Variants in EPHA6 observed in about 807,000 individuals in gnomAD.
EPHA6 encodes EPH receptor A6.
In EPHA6, 50 loss-of-function variants were observed where a neutral mutation model predicts 112.0. That is an observed-to-expected ratio of 0.45 (90% CI 0.36 to 0.56). The LOEUF (loss-of-function observed/expected upper bound fraction) is 0.56, where lower values mean the gene tolerates loss of function less well. Ranked by LOEUF, EPHA6 falls within the 20% of genes least tolerant of loss-of-function variation. The probability of loss-of-function intolerance (pLI) is 0.00; values close to 1 mark genes in which losing one functional copy is unlikely to be tolerated. For synonymous variants in EPHA6, 529 were observed against 490.7 expected (o/e 1.08, Z -1.03); for missense variants, 1,280 against 1,417.4 (o/e 0.90, Z 1.56).
intron 1 of EPHA6, among the ~76,000 whole-genome samples, chr3:96,850,188 G>T (rs2035300557): frequency 6.6e-6 from 1 of 152,094 alleles, no homozygotes; most frequent in African/African-American, 2.4e-5. Context: ...CTACTTTAGT[G>T]CAGGGGACAT....
At chr3:97,335,375 A>G (rs2083009154) in intron 5 of EPHA6, among the ~76,000 whole-genome samples, 1 of 152,178 alleles carries the variant, frequency 6.6e-6, no homozygotes, top group Non-Finnish European at 1.5e-5. Context: ...AGTGAGGAAC[A>G]AAAAATTGTT....
intron 7 of EPHA6, among the ~76,000 whole-genome samples, chr3:97,454,202 A>T (rs769131902): frequency 7.8e-4 from 118 of 151,848 alleles, no homozygotes; most frequent in Non-Finnish European, 1.4e-3. Context: ...GTGAGAAATC[A>T]TCACTTCTTC....
chr3:97,215,861 A>C (rs980222142), intron 3 of EPHA6, among the ~76,000 whole-genome samples: 1 of 152,206 alleles, frequency 6.6e-6, no homozygotes, highest in African/African-American at 2.4e-5. Flanking sequence ...TCCTCCAATT[A>C]TATGATCTGA....
At chr3:96,844,579 A>T (rs1252094370) in intron 1 of EPHA6, among the ~76,000 whole-genome samples, 3 of 152,022 alleles carry the variant, frequency 2.0e-5, no homozygotes, top group Non-Finnish European at 4.4e-5. Context: ...CTGAGTTATG[A>T]TGAGGTAGTA....
At chr3:97,744,268 G>A (rs1048447525) in intron 16 of EPHA6, among the ~76,000 whole-genome samples, 4 of 151,942 alleles carry the variant, frequency 2.6e-5, no homozygotes, top group Non-Finnish European at 5.9e-5. Context: ...CAGGTGGGCA[G>A]TACTCACTAA....
chr3:97,500,248 G>C (rs979920293), intron 10 of EPHA6, among the ~76,000 whole-genome samples: 1 of 151,986 alleles, frequency 6.6e-6, no homozygotes. Context: ...AGTTCATTCT[G>C]ACATTCCTAG....
intron 2 of EPHA6, among the ~76,000 whole-genome samples, chr3:96,977,786 GTTGA>G (rs2042592757): frequency 6.6e-6 from 1 of 152,120 alleles, no homozygotes; most frequent in Non-Finnish European, 1.5e-5. Flanking sequence ...AACATAAACA[GTTGA>G]TTAACACATA....
At chr3:96,842,884 C>T (rs1210153574) in intron 1 of EPHA6, among the ~76,000 whole-genome samples, 1 of 152,042 alleles carries the variant, frequency 6.6e-6, no homozygotes, top group African/African-American at 2.4e-5. Context: ...TGGCTGTTTA[C>T]TCTTGATGTA....
chr3:97,328,204 C>T (rs2082580074), intron 5 of EPHA6, among the ~76,000 whole-genome samples: 1 of 151,466 alleles, frequency 6.6e-6, no homozygotes, highest in Non-Finnish European at 1.5e-5. Flanking sequence ...TATCATTTCT[C>T]TGGGATAAAT....
chr3:97,701,941 A>G (rs182246508), intron 14 of EPHA6, among the ~76,000 whole-genome samples: 2 of 152,286 alleles, frequency 1.3e-5, no homozygotes, highest in African/African-American at 4.8e-5. Flanking sequence ...CTACATTTCC[A>G]TTTAAATGTT....
intron 3 of EPHA6, among the ~76,000 whole-genome samples, chr3:96,991,001 T>C (rs948326989): frequency 6.6e-6 from 1 of 152,148 alleles, no homozygotes; most frequent in Non-Finnish European, 1.5e-5. Context: ...GTATTGATTT[T>C]TTTTTAGAGA....
intron 13 of EPHA6, among the ~76,000 whole-genome samples, chr3:97,629,964 T>C (rs2093889695): frequency 6.6e-6 from 1 of 152,046 alleles, no homozygotes. Context: ...ATTACTTTCA[T>C]ATAAATCTAA....
chr3:97,745,546 AGT>A (rs2035676605), intron 16 of EPHA6: 1 of 299,948 alleles, frequency 3.3e-6, no homozygotes, highest in Non-Finnish European at 6.5e-6. Flanking sequence ...TATTGACTAC[AGT>A]GTAATCAATC....
chr3:97,261,677 T>A (rs1007913411), intron 5 of EPHA6, among the ~76,000 whole-genome samples: 4 of 152,178 alleles, frequency 2.6e-5, no homozygotes, highest in African/African-American at 9.7e-5. Flanking sequence ...AAGAACCTGT[T>A]CTTTGGAGTT....
rs568983452 is a variant in EPHA6, at chr3:97,567,516, G to T, written c.2387-25096G>T. Among the ~76,000 whole-genome samples the T allele has an allele frequency of 2.5e-3, 386 of 152,292 alleles. 4 individuals are homozygous for T. Among genetic ancestry groups the T allele is most frequent in the African/African-American group, 9.0e-3 (376 of 41,564 alleles). ...TGGATTTAATTGTGTGCCCCCAAAA[G>T]TTATGTTGATGTCCTCCCCAATACC... On this transcript the variant is annotated intron_variant, in intron 11 of 17. Coordinates refer to ENST00000389672, the MANE Select transcript of EPHA6 (RefSeq NM_001080448.3).
At chr3:97,145,421 C>A (rs778172691) in intron 3 of EPHA6, among the ~76,000 whole-genome samples, 2 of 150,728 alleles carry the variant, frequency 1.3e-5, no homozygotes, top group East Asian at 3.9e-4. Context: ...CAAAATGTAT[C>A]TTTAAACTTT....
chr3:97,592,854 T>A, intron 12 of EPHA6, 117 bp downstream of exon 12: 1 of 1,159,266 alleles, frequency 8.6e-7, no homozygotes, highest in Non-Finnish European at 1.2e-6. Context: ...AAAAGAAATG[T>A]AAGTGACTGC....
intron 16 of EPHA6, among the ~76,000 whole-genome samples, chr3:97,741,791 A>C (rs1010839624): frequency 1.3e-5 from 2 of 152,096 alleles, no homozygotes; most frequent in Non-Finnish European, 2.9e-5. Flanking sequence ...ATTTCCAGAT[A>C]GATTTTATCT....
intron 2 of EPHA6, among the ~76,000 whole-genome samples, chr3:96,962,804 A>G (rs1231789793): frequency 6.6e-6 from 1 of 152,012 alleles, no homozygotes; most frequent in Non-Finnish European, 1.5e-5. Context: ...TCTTGATAGT[A>G]GTTTACCAAA....
Sources: allele counts gnomAD v4.1 joint callset (sites outside exome capture counted in the v4.1 genomes callset), GRCh38; gene constraint gnomAD v4.1.1; transcripts MANE v1.5; gene names NCBI Gene and HGNC (gene_info 2026-07-23, HGNC 2026-07-21).